The following COL14A1 variants were observed in gnomAD, a reference collection of about 807,000 sequenced individuals.
COL14A1 encodes collagen type XIV alpha 1 chain.
COL14A1 carries 136 observed loss-of-function variants against 230.3 expected under a neutral mutation model. The ratio of observed to expected loss-of-function variants is 0.59; its 90% CI spans 0.51 to 0.68. COL14A1 has a LOEUF of 0.68. Among genes scored for constraint, COL14A1 ranks in the 30% least tolerant of loss-of-function variants. COL14A1 has a pLI of 0.00. For missense variants in COL14A1, 1,976 were observed against 2,215.8 expected (o/e 0.89, Z 2.17); for synonymous variants, 792 against 784.1 (o/e 1.01, Z -0.17).
intron 5 of COL14A1, among the ~76,000 whole-genome samples, chr8:120,169,514 A>G (rs919161459): frequency 6.6e-6 from 1 of 151,610 alleles, no homozygotes; most frequent in Non-Finnish European, 1.5e-5. Context: ...TTTCCTGTTT[A>G]TTTTTGTTTT....
chr8:120,360,599 T>A (rs971108116), intron 45 of COL14A1, among the ~76,000 whole-genome samples: 16 of 152,260 alleles, frequency 1.1e-4, no homozygotes, highest in African/African-American at 3.9e-4. Context: ...CATTTTGGGC[T>A]CAGCCATATT....
In COL14A1 at chr8:120,209,813, G is replaced by A. The variant is rs1194264170; in HGVS notation, c.1379G>A (p.Arg460Gln). ...LLYDVTENSMRVKWDAVPGAS... is the reference protein window; with the variant it reads ...LLYDVTENSMQVKWDAVPGAS... ...TACGACGTGACTGAGAACAGCATGC[G>A]AGTCAAATGGGATGCAGTGCCTGGG... Residue 460 changes from arginine to glutamine, a missense_variant, in exon 12 of 48, where the codon CGA (arginine) becomes CAA (glutamine). Arg to Gln is a conservative substitution (Grantham distance 43, BLOSUM62 1). Around this residue, in one of 3 missense-constraint regions of COL14A1, gnomAD observed 1,791 missense variants for 2,019.5 expected, o/e 0.89. Coordinates refer to ENST00000297848, the MANE Select transcript of COL14A1 (RefSeq NM_021110.4). The A allele has an allele frequency of 1.2e-5, 19 of 1,613,716 alleles. No homozygotes were observed. Among genetic ancestry groups the A allele is most frequent in the East Asian group, 2.2e-5 (1 of 44,876 alleles).
At position 120,371,846 on chromosome 8, in the gene COL14A1, T is replaced by A. The variant is rs573269255; in HGVS notation, c.*615T>A. 5.3e-6 allele frequency: 2 copies of A among 379,776 alleles called. No individual in the cohort carries two copies. Among genetic ancestry groups the A allele is most frequent in the Admixed American group, 9.0e-5 (2 of 22,208 alleles). 23.5% of individuals were successfully genotyped at this position (379,776 alleles called of 1,614,324 possible). ...AACAGATTTAGTTTTTCAGTGGTTT[T>A]AACTCATGTGAAATAATGATTTTCC... On this transcript the variant is annotated 3_prime_UTR_variant, in exon 48 of 48. Coordinates refer to ENST00000297848, the MANE Select transcript of COL14A1 (RefSeq NM_021110.4).
At position 120,230,007 on chromosome 8, in the gene COL14A1, C is replaced by A. The variant is rs974767196; in HGVS notation, c.2197+1238C>A. On this transcript the variant is annotated intron_variant, in intron 18 of 47. Transcript: ENST00000297848. ...GTGATCCTCCAGCCTCAGCCCCCCA[C>A]GTAGCTGGGACTACAGACATGTGTC... Among the ~76,000 whole-genome samples, 4 of 152,066 alleles carry A rather than the reference C, an allele frequency of 2.6e-5. No homozygotes were observed. The East Asian group carries it at 5.8e-4, about 22-fold the overall frequency.
chr8:120,251,954 A>T (rs1235951886), intron 22 of COL14A1, among the ~76,000 whole-genome samples: 1 of 150,958 alleles, frequency 6.6e-6, no homozygotes, highest in Non-Finnish European at 1.5e-5. Context: ...ACCCCTTAAG[A>T]TATTATTGTT....
rs549010136 is a variant in COL14A1 at position 120,266,598 on chromosome 8, G to A, written c.3017-229G>A. ...AGTTTGATTTCATTGACTCCTGCTG[G>A]GTAAACTGAATGGTGGCAAAATGGC... On this transcript the variant is annotated intron_variant, in intron 24 of 47. Transcript: ENST00000297848. Among the ~76,000 whole-genome samples the A allele has an allele frequency of 9.7e-4, 148 of 151,998 alleles. 1 individual carries two copies. Among genetic ancestry groups the A allele is most frequent in the Non-Finnish European group, 6.5e-4 (44 of 67,984 alleles).
At chr8:120,185,015 T>C (rs1816602149) in intron 5 of COL14A1, among the ~76,000 whole-genome samples, 1 of 152,140 alleles carries the variant, frequency 6.6e-6, no homozygotes, top group African/African-American at 2.4e-5. Flanking sequence ...CGCTGTATAA[T>C]ATATTTCTAG....
intron 23 of COL14A1, among the ~76,000 whole-genome samples, chr8:120,260,929 T>C (rs1228791064): frequency 2.6e-5 from 4 of 152,166 alleles, no homozygotes; most frequent in African/African-American, 4.8e-5. Context: ...TAAAGCAACG[T>C]CCTCTGAAAC....
intron 5 of COL14A1, among the ~76,000 whole-genome samples, chr8:120,184,678 G>A (rs1816589900): frequency 6.6e-6 from 1 of 152,192 alleles, no homozygotes; most frequent in Non-Finnish European, 1.5e-5. Flanking sequence ...CCAATGGCCT[G>A]AGAGCCAGGA....
Position 120,278,535 on chromosome 8 carries a change from A to C in COL14A1, c.3438A>C (p.Ser1146=). 2 of 1,613,138 alleles carry C rather than the reference A, an allele frequency of 1.2e-6. No homozygotes were observed. Among genetic ancestry groups the C allele is most frequent in the Non-Finnish European group, 1.7e-6 (2 of 1,179,456 alleles). Residue 1146 remains serine (S), a synonymous_variant, in exon 28 of 48, where the codon TCA becomes TCC. Transcript: ENST00000297848. ...TCGTGGTTATAACTGATGGAAGATC[A>C]CAAGATGATGTGAACAAAATCTCCA... is the stretch of plus-strand genomic sequence containing the variant. ...KVIVVITDGR[S]QDDVNKISRE...
chr8:120,345,270 G>T, intron 44 of COL14A1, 105 bp from the exon 45 acceptor site: 1 of 996,188 alleles, frequency 1.0e-6, no homozygotes, highest in South Asian at 1.7e-5. Flanking sequence ...TTCCCTTGGT[G>T]GGTATCTAAC....
chr8:120,247,804 G>T, intron 21 of COL14A1, 69 bp downstream of exon 21: 2 of 1,547,756 alleles, frequency 1.3e-6, no homozygotes, highest in South Asian at 1.2e-5. Flanking sequence ...AAGATAAATT[G>T]TTTTCTTATA....
At chr8:120,317,346 C>T (rs950207653) in intron 40 of COL14A1, among the ~76,000 whole-genome samples, 3 of 151,906 alleles carry the variant, frequency 2.0e-5, no homozygotes, top group South Asian at 4.1e-4. Flanking sequence ...CTACATCCCC[C>T]CCTTTTTTTT....
chr8:120,230,623 C>T (rs184891377), intron 18 of COL14A1, among the ~76,000 whole-genome samples: 50 of 152,210 alleles, frequency 3.3e-4, no homozygotes, highest in Non-Finnish European at 8.8e-5. Flanking sequence ...CTGGTAGCCC[C>T]CCTGCAATGT....
At chr8:120,357,178 T>C (rs1823016775) in intron 45 of COL14A1, among the ~76,000 whole-genome samples, 1 of 152,212 alleles carries the variant, frequency 6.6e-6, no homozygotes, top group Admixed American at 6.5e-5. Context: ...TCCTGTTGGC[T>C]AAGAGTCTTG....
At chr8:120,309,537 A>G (rs1820960061) in intron 36 of COL14A1, among the ~76,000 whole-genome samples, 1 of 152,148 alleles carries the variant, frequency 6.6e-6, no homozygotes. Flanking sequence ...GGAAATATGA[A>G]TGACAACTTT....
chr8:120,265,149 C>T (rs1819465864), intron 24 of COL14A1, among the ~76,000 whole-genome samples: 1 of 151,996 alleles, frequency 6.6e-6, no homozygotes, highest in Non-Finnish European at 1.5e-5. Flanking sequence ...ACATGTGTCC[C>T]CAGTTCACTG....
At chr8:120,156,905 A>G (rs1815498585) in intron 2 of COL14A1, among the ~76,000 whole-genome samples, 1 of 152,200 alleles carries the variant, frequency 6.6e-6, no homozygotes, top group Non-Finnish European at 1.5e-5. Context: ...CCTATGTAGG[A>G]GAATGTTTGT....
intron 42 of COL14A1, among the ~76,000 whole-genome samples, chr8:120,340,807 G>A (rs966038354): frequency 3.9e-5 from 6 of 152,182 alleles, no homozygotes; most frequent in Non-Finnish European, 5.9e-5. Flanking sequence ...GTGTGGCATC[G>A]TGCTGCACAG....
Sources: allele counts gnomAD v4.1 joint callset (sites outside exome capture counted in the v4.1 genomes callset), GRCh38; gene constraint gnomAD v4.1.1; regional missense constraint gnomAD v4.1.1; transcripts MANE v1.5; gene names NCBI Gene and HGNC (gene_info 2026-07-23, HGNC 2026-07-21).